ALK: variants seen among roughly 807,000 people sequenced by gnomAD.
The protein encoded by ALK is ALK receptor tyrosine kinase.
In ALK, 74 loss-of-function variants were observed where a neutral mutation model predicts 163.1. That is an observed-to-expected ratio of 0.45 (90% CI 0.38 to 0.55). The LOEUF is 0.55. Among genes scored for constraint, ALK ranks in the 20% least tolerant of loss-of-function variants. ALK has a pLI of 0.00. For missense variants in ALK, 2,063 were observed against 2,105.3 expected (o/e 0.98, Z 0.39); for synonymous variants, 960 against 843.2 (o/e 1.14, Z -2.40).
rs1267250780 is a variant in ALK, at chr2:29,333,124, G to GT, written c.1283-4644dup. The stretch of plus-strand genomic sequence containing the variant: ...TGAAGTTGGGTTTTTTTGTTTTTTT[G>GT]TTTTTTTTTGAGGCAGAGTCTCACT... On this transcript the variant is annotated intron_variant, in intron 5 of 28. Coordinates refer to ENST00000389048, the MANE Select transcript of ALK (RefSeq NM_004304.5). Among the ~76,000 whole-genome samples, 534 of 148,150 alleles carry GT rather than the reference G, an allele frequency of 3.6e-3. 4 individuals are homozygous for GT. The highest frequency in any genetic ancestry group is 0.012 in the African/African-American group (461 of 38,800).
At chr2:29,548,529 C>T (rs1673624076) in intron 3 of ALK, among the ~76,000 whole-genome samples, 1 of 77,930 alleles carries the variant, frequency 1.3e-5, no homozygotes. Context: ...TATGCCAGTG[C>T]TGAACTGCCT....
intron 4 of ALK, among the ~76,000 whole-genome samples, chr2:29,526,919 C>T (rs929617066): frequency 6.6e-6 from 1 of 152,228 alleles, no homozygotes; most frequent in African/African-American, 2.4e-5. Context: ...CTGACAGGAA[C>T]AGCCAGGGTT....
At chr2:29,554,913 T>C (rs1673807450) in intron 3 of ALK, among the ~76,000 whole-genome samples, 2 of 152,154 alleles carry the variant, frequency 1.3e-5, no homozygotes, top group South Asian at 4.2e-4. Flanking sequence ...ACTGCTATAC[T>C]CCCACCAGCA....
intron 5 of ALK, among the ~76,000 whole-genome samples, chr2:29,363,047 G>A (rs533186711): frequency 1.3e-5 from 2 of 152,234 alleles, no homozygotes; most frequent in Admixed American, 1.3e-4. Flanking sequence ...GACTTGCCTG[G>A]CTGCTTTTCC....
chr2:29,234,416 A>C (rs538855369), intron 13 of ALK, among the ~76,000 whole-genome samples: 70 of 152,232 alleles, frequency 4.6e-4, no homozygotes, highest in African/African-American at 1.6e-3. Context: ...AGAGAAAAAA[A>C]CCAGCAAGAG....
At chr2:29,720,787 T>C (rs576439647) in intron 1 of ALK, among the ~76,000 whole-genome samples, 2 of 152,290 alleles carry the variant, frequency 1.3e-5, no homozygotes, top group East Asian at 1.9e-4. Context: ...AAGGATTTTC[T>C]AGCAGAAAGA....
rs1254261436 is a variant in ALK at position 29,193,413 on chromosome 2, C to T, written c.4674G>A (p.Glu1558=). ...GRLPGASLLL[E]PSSLTANMKE... ...TCATATTGGCAGTCAGCGAAGAGGG[C>T]TCTAGGAGCAGTGAGGCCCCCGGAA... Residue 1558 remains glutamate, a synonymous_variant, in exon 29 of 29, where the codon GAG becomes GAA. Coordinates refer to ENST00000389048, the MANE Select transcript of ALK (RefSeq NM_004304.5). The T allele has an allele frequency of 6.2e-7, 1 of 1,614,184 alleles. No homozygotes were observed. Among genetic ancestry groups the T allele is most frequent in the South Asian group, 1.1e-5 (1 of 91,082 alleles).
chr2:29,861,167 G>T (rs1340234865), intron 1 of ALK, among the ~76,000 whole-genome samples: 1 of 152,146 alleles, frequency 6.6e-6, no homozygotes, highest in Non-Finnish European at 1.5e-5. Context: ...ACAAGACCTT[G>T]CCTCAAAAAG....
intron 4 of ALK, among the ~76,000 whole-genome samples, chr2:29,387,509 T>A (rs1343206553): frequency 2.0e-5 from 3 of 152,094 alleles, no homozygotes; most frequent in Non-Finnish European, 4.4e-5. Flanking sequence ...GGGAGCTGAG[T>A]CCTGGATTCC....
chr2:29,525,253 G>T (rs926724949), intron 4 of ALK, among the ~76,000 whole-genome samples: 1 of 152,214 alleles, frequency 6.6e-6, no homozygotes, highest in Non-Finnish European at 1.5e-5. Flanking sequence ...ATAAGTGGGA[G>T]AAAAATGGCT....
chr2:29,582,860 C>CTT (rs11406173), intron 3 of ALK, among the ~76,000 whole-genome samples: 47,897 of 137,486 alleles, frequency 0.35, 8,752 homozygotes, highest in African/African-American at 0.41. Context: ...CCCAGCACTC[C>CTT]TTTTTTTTTT....
At chr2:29,633,941 ATCTCC>A (rs951726847) in intron 3 of ALK, among the ~76,000 whole-genome samples, 1 of 152,176 alleles carries the variant, frequency 6.6e-6, no homozygotes, top group African/African-American at 2.4e-5. Context: ...CCCAAAAGAA[ATCTCC>A]AGGACCAGAT....
chr2:29,705,532 T>G (rs1294396336), intron 2 of ALK, among the ~76,000 whole-genome samples: 1 of 151,630 alleles, frequency 6.6e-6, no homozygotes, highest in Non-Finnish European at 1.5e-5. Flanking sequence ...CTATTTTATA[T>G]CAACCTCTCA....
At chr2:29,211,595 A>C (rs1669467612) in intron 24 of ALK, among the ~76,000 whole-genome samples, 1 of 152,252 alleles carries the variant, frequency 6.6e-6, no homozygotes, top group Non-Finnish European at 1.5e-5. Flanking sequence ...TCCACTCTGA[A>C]TTCCAAAAGC....
chr2:29,346,738 G>T (rs17007918), intron 5 of ALK, among the ~76,000 whole-genome samples: 8,394 of 152,268 alleles, frequency 0.055, 299 homozygotes, highest in African/African-American at 0.094. Context: ...ACTGGCTCAG[G>T]GGTAAACTGT....
At chr2:29,269,363 T>A (rs1295264305) in intron 11 of ALK, among the ~76,000 whole-genome samples, 4 of 152,204 alleles carry the variant, frequency 2.6e-5, no homozygotes, top group Non-Finnish European at 5.9e-5. Context: ...TGTTCACTGA[T>A]GTCCACCTCT....
intron 1 of ALK, among the ~76,000 whole-genome samples, chr2:29,830,711 TTTAAAAAAAAA>T (rs1665344713): frequency 6.5e-4 from 4 of 6,120 alleles, no homozygotes; most frequent in Admixed American, 6.3e-3. Flanking sequence ...TCTAAAATAG[TTTAAAAAAAAA>T]AAAAAAAAAA....
At chr2:29,688,392 A>T (rs762974192) in intron 3 of ALK, among the ~76,000 whole-genome samples, 1 of 152,224 alleles carries the variant, frequency 6.6e-6, no homozygotes, top group African/African-American at 2.4e-5. Flanking sequence ...ATTTTATCTA[A>T]AAGAGAAAAG....
intron 13 of ALK, among the ~76,000 whole-genome samples, chr2:29,239,365 C>T (rs904638055): frequency 6.6e-5 from 10 of 152,228 alleles, no homozygotes; most frequent in African/African-American, 2.4e-4. Flanking sequence ...TCTGCTTTGG[C>T]CCCTTTTCCC....
Sources: gnomAD v4.1 joint callset for allele counts (sites outside exome capture counted in the v4.1 genomes callset) on GRCh38, gnomAD v4.1.1 for gene constraint, MANE v1.5 for transcripts, NCBI Gene and HGNC (gene_info 2026-07-23, HGNC 2026-07-21) for gene names.